Variants in GALNTL6 observed in about 807,000 individuals in gnomAD.
The protein encoded by GALNTL6 is polypeptide N-acetylgalactosaminyltransferase like 6.
A neutral mutation model predicts 73.7 loss-of-function variants in GALNTL6; 46 were observed. The ratio of observed to expected loss-of-function variants is 0.62; its 90% CI spans 0.49 to 0.80. The LOEUF (loss-of-function observed/expected upper bound fraction) is 0.80, where lower values mean the gene tolerates loss of function less well. Among genes scored for constraint, GALNTL6 ranks in the 30% least tolerant of loss-of-function variants. GALNTL6 has a pLI of 0.00. For missense variants in GALNTL6, 604 were observed against 755.0 expected (o/e 0.80, Z 2.34); for synonymous variants, 259 against 263.7 (o/e 0.98, Z 0.17).
intron 2 of GALNTL6, among the ~76,000 whole-genome samples, chr4:171,941,642 G>A (rs1738547588): frequency 6.6e-6 from 1 of 152,200 alleles, no homozygotes; most frequent in East Asian, 1.9e-4. Context: ...GGGTTCTTCT[G>A]CTGTAGCTTG....
At chr4:172,541,537 G>C (rs1041571725) in intron 5 of GALNTL6, among the ~76,000 whole-genome samples, 9 of 152,224 alleles carry the variant, frequency 5.9e-5, no homozygotes, top group African/African-American at 1.9e-4. Flanking sequence ...TTATCAGAAA[G>C]CTTTACAGCA....
At chr4:172,466,474 T>G (rs1279133088) in intron 5 of GALNTL6, among the ~76,000 whole-genome samples, 1 of 152,206 alleles carries the variant, frequency 6.6e-6, no homozygotes, top group Non-Finnish European at 1.5e-5. Context: ...TAGGCTGGAG[T>G]TGACAAGTAC....
chr4:172,565,529 A>G (rs940579451), intron 5 of GALNTL6, among the ~76,000 whole-genome samples: 4 of 152,172 alleles, frequency 2.6e-5, no homozygotes, highest in African/African-American at 9.7e-5. Context: ...GGATATTTGC[A>G]TCTATGTTCA....
chr4:173,039,826 A>C (rs1753832528), intron 12 of GALNTL6, 107 bp from the exon 13 acceptor site: 4 of 851,180 alleles, frequency 4.7e-6, no homozygotes, highest in Non-Finnish European at 5.4e-6. Context: ...TTACACAATA[A>C]ATATATACTG....
intron 5 of GALNTL6, among the ~76,000 whole-genome samples, chr4:172,594,964 G>A (rs925078555): frequency 6.6e-6 from 1 of 152,090 alleles, no homozygotes; most frequent in African/African-American, 2.4e-5. Flanking sequence ...AAGAGGTCAG[G>A]GTGGCCCCGT....
intron 5 of GALNTL6, among the ~76,000 whole-genome samples, chr4:172,563,007 G>C (rs1427386155): frequency 6.6e-6 from 1 of 152,102 alleles, no homozygotes; most frequent in Non-Finnish European, 1.5e-5. Flanking sequence ...TAGCTGACTG[G>C]GGTTAATATC....
At chr4:172,136,451 G>A (rs1264495857) in intron 2 of GALNTL6, among the ~76,000 whole-genome samples, 1 of 151,930 alleles carries the variant, frequency 6.6e-6, no homozygotes, top group African/African-American at 2.4e-5. Flanking sequence ...GTAAAAGAAT[G>A]TATAGTCTGG....
chr4:172,848,668 C>T (rs1457444830), intron 7 of GALNTL6, among the ~76,000 whole-genome samples: 1 of 152,100 alleles, frequency 6.6e-6, no homozygotes, highest in Non-Finnish European at 1.5e-5. Context: ...GGAAAGGATG[C>T]CACTATCTAA....
At chr4:172,598,375 C>T (rs938698053) in intron 5 of GALNTL6, among the ~76,000 whole-genome samples, 5 of 152,068 alleles carry the variant, frequency 3.3e-5, no homozygotes, top group African/African-American at 1.2e-4. Flanking sequence ...CCAAGTGGCT[C>T]ATTCATAACA....
At chr4:172,950,433 C>T (rs1749387104) in intron 9 of GALNTL6, among the ~76,000 whole-genome samples, 3 of 152,308 alleles carry the variant, frequency 2.0e-5, no homozygotes, top group South Asian at 4.2e-4. Flanking sequence ...TTCTTTGTGG[C>T]TCTGTCTCTT....
At chr4:172,767,018 T>C (rs1327656082) in intron 5 of GALNTL6, among the ~76,000 whole-genome samples, 1 of 152,238 alleles carries the variant, frequency 6.6e-6, no homozygotes, top group Non-Finnish European at 1.5e-5. Context: ...CCCAGAACGA[T>C]GTTCCTAGGC....
intron 5 of GALNTL6, among the ~76,000 whole-genome samples, chr4:172,593,302 A>G (rs1737725027): frequency 6.6e-6 from 1 of 152,230 alleles, no homozygotes. Flanking sequence ...CATCATGAAC[A>G]CAGCCTGTTC....
At chr4:172,147,011 C>T (rs1469939598) in intron 2 of GALNTL6, among the ~76,000 whole-genome samples, 1 of 151,010 alleles carries the variant, frequency 6.6e-6, no homozygotes, top group African/African-American at 2.4e-5. Flanking sequence ...ACTGTCAAAA[C>T]ACAGTTACAG....
chr4:172,290,667 G>A (rs904982526), intron 3 of GALNTL6, among the ~76,000 whole-genome samples: 6 of 151,884 alleles, frequency 4.0e-5, no homozygotes, highest in South Asian at 2.1e-4. Context: ...TTTTAAATGT[G>A]TATAAAATGT....
intron 5 of GALNTL6, among the ~76,000 whole-genome samples, chr4:172,518,275 A>C (rs1734670602): frequency 6.6e-6 from 1 of 151,978 alleles, no homozygotes; most frequent in African/African-American, 2.4e-5. Flanking sequence ...ATGTCTAAAA[A>C]TTAGCAAGCC....
chr4:172,774,877 T>G (rs1465746101), intron 5 of GALNTL6, among the ~76,000 whole-genome samples: 2 of 151,920 alleles, frequency 1.3e-5, no homozygotes, highest in South Asian at 2.1e-4. Context: ...GGAGAATTGC[T>G]TGAAACCTGG....
chr4:172,962,425 C>CT (rs1180786688), intron 10 of GALNTL6, among the ~76,000 whole-genome samples: 5 of 152,142 alleles, frequency 3.3e-5, no homozygotes, highest in African/African-American at 1.2e-4. Flanking sequence ...TGCTAACGTC[C>CT]TTTTTCTGTT....
At chr4:171,935,495 G>C (rs764348840) in intron 2 of GALNTL6, among the ~76,000 whole-genome samples, 1 of 152,068 alleles carries the variant, frequency 6.6e-6, no homozygotes, top group Non-Finnish European at 1.5e-5. Context: ...TTGAGATGGG[G>C]TCTCAGTCTG....
At chr4:172,415,781 A>C (rs1730809111) in intron 5 of GALNTL6, among the ~76,000 whole-genome samples, 1 of 152,108 alleles carries the variant, frequency 6.6e-6, no homozygotes, top group African/African-American at 2.4e-5. Context: ...TCGATTGAGC[A>C]AGCAGTGGGT....
Sources: gnomAD v4.1 joint callset for allele counts (sites outside exome capture counted in the v4.1 genomes callset) on GRCh38, gnomAD v4.1.1 for gene constraint, MANE v1.5 for transcripts, NCBI Gene and HGNC (gene_info 2026-07-23, HGNC 2026-07-21) for gene names.